The following KIFC3 variants were observed in gnomAD, a reference collection of about 807,000 sequenced individuals.
KIFC3 encodes the protein kinesin family member C3.
Under a neutral mutation model 101.8 loss-of-function variants are expected in KIFC3, and 60 were observed. That is an observed-to-expected ratio of 0.59 (90% CI 0.48 to 0.73). The LOEUF (loss-of-function observed/expected upper bound fraction) is 0.73. Ranked by LOEUF, KIFC3 falls within the 30% of genes least tolerant of loss-of-function variation. KIFC3 has a pLI of 0.00. For synonymous variants in KIFC3, 476 were observed against 482.7 expected, an observed-to-expected ratio of 0.99 and a Z score of 0.18; for missense variants, 966 against 1,137.1, an observed-to-expected ratio of 0.85 and a Z score of 2.16.
At chr16:57,798,342 G>C (rs1000599581) in intron 1 of KIFC3, 60 bp from the exon 2 acceptor site, 4 of 1,453,178 alleles carry the variant, frequency 2.8e-6, no homozygotes, top group Admixed American at 2.0e-5. Context: ...ACTGCACCTC[G>C]GGCAGAGCCA....
At chr16:57,822,507 C>A (rs782061263) in intron 1 of KIFC3, among the ~76,000 whole-genome samples, 4 of 152,000 alleles carry the variant, frequency 2.6e-5, no homozygotes, top group Non-Finnish European at 4.4e-5. Flanking sequence ...GACCAGCCTG[C>A]CCAACATGGT....
In KIFC3 at chr16:57,769,529, TG is replaced by T; in HGVS notation, c.1218+65del. ...CTGAGCTTTGGAGGGACGCCCTGAG[TG>T]GATGTCGTGCCTCTCCCAGTGCACC... On this transcript the variant is annotated intron_variant, in intron 9 of 19. Coordinates refer to ENST00000445690, the MANE Select transcript of KIFC3 (RefSeq NM_001130100.2). This position sits in a 1 kb window ranked among gnomAD's most constrained non-coding sequence, Gnocchi z 4.3. 1 of 1,543,532 alleles carries T rather than the reference TG, an allele frequency of 6.5e-7. No homozygotes were observed.
chr16:57,802,673 T>C, upstream of KIFC3: 4 of 930,128 alleles, frequency 4.3e-6, no homozygotes, highest in Non-Finnish European at 5.8e-6. The surrounding 1 kb of genome is among the most constrained non-coding windows in gnomAD (Gnocchi z 5.0). Context: ...CTCCCACTCC[T>C]TCGCGGGGCC....
At chr16:57,850,472 T>TG (rs1345682905) in intron 1 of KIFC3, among the ~76,000 whole-genome samples, 1 of 112,262 alleles carries the variant, frequency 8.9e-6, no homozygotes, top group Non-Finnish European at 2.0e-5. Context: ...AGGGTTTTTT[T>TG]TTTTTTTTTT....
chr16:57,821,374 G>A (rs782259689), intron 1 of KIFC3, among the ~76,000 whole-genome samples: 1 of 152,166 alleles, frequency 6.6e-6, no homozygotes, highest in Admixed American at 6.5e-5. Context: ...TTTGCGCAGG[G>A]ACAGGAAGCA....
chr16:57,790,876 C>T (rs1220526824), intron 3 of KIFC3: 1 of 984,000 alleles, frequency 1.0e-6, no homozygotes, highest in African/African-American at 1.7e-5. Flanking sequence ...AAAATTCACC[C>T]CCTCCCTCTC....
At position 57,759,822 on chromosome 16, in the gene KIFC3, A is replaced by T; in HGVS notation, c.2382T>A (p.Cys794Ter). The T allele has an allele frequency of 6.2e-7, 1 of 1,608,634 alleles. No homozygotes were observed. The highest frequency in any genetic ancestry group is 8.5e-7 in the Non-Finnish European group (1 of 1,178,102). The stretch of plus-strand genomic sequence containing the variant: ...CCCGTGCCGAGGGCTGTGGCGTCTG[A>T]CAAGCCGGCTCCCACTGTGAGCAGG... ...SQEHLEWEPA[C>*]QTPQPSARAH... Residue 794 changes from cysteine (C) to a stop codon, truncating the protein, a stop_gained, in exon 18 of 20, where the codon TGT becomes TGA. Transcript: ENST00000445690. LOFTEE classifies it high-confidence loss of function.
chr16:57,834,768 C>T (rs966160481), intron 1 of KIFC3, among the ~76,000 whole-genome samples: 32 of 152,242 alleles, frequency 2.1e-4, no homozygotes, highest in African/African-American at 7.7e-4. Flanking sequence ...CCCCTTGCCT[C>T]AGCCTCCCAA....
intron 1 of KIFC3, among the ~76,000 whole-genome samples, chr16:57,849,569 A>G (rs767234546): frequency 1.3e-4 from 20 of 152,046 alleles, no homozygotes; most frequent in Non-Finnish European, 2.1e-4. Flanking sequence ...GAGAACGTAA[A>G]CTCACTGCCT....
intron 1 of KIFC3, among the ~76,000 whole-genome samples, chr16:57,854,697 T>C (rs1260387824): frequency 6.6e-6 from 1 of 151,634 alleles, no homozygotes; most frequent in Non-Finnish European, 1.5e-5. Context: ...ATCAACCAAC[T>C]GGATCTAACT....
At chr16:57,786,129 C>T (rs1481850409) in intron 3 of KIFC3, among the ~76,000 whole-genome samples, 3 of 152,174 alleles carry the variant, frequency 2.0e-5, no homozygotes, top group African/African-American at 7.2e-5. Flanking sequence ...GGCAAGTGGT[C>T]AACTGTGCAG....
chr16:57,791,400 C>T (rs1441087072), intron 3 of KIFC3, among the ~76,000 whole-genome samples: 1 of 152,214 alleles, frequency 6.6e-6, no homozygotes, highest in Non-Finnish European at 1.5e-5. Flanking sequence ...GGCCAAGCCA[C>T]AGGAAGGACA....
Position 57,761,542 on chromosome 16 carries a change from G to T in KIFC3, c.1749-6C>A. ...GCTCTTTCCCTAGCAGGTCCCTGGA[G>T]GGGCAGGTGAGACAGTCACCCCCTC... is the stretch of plus-strand genomic sequence containing the variant. On this transcript the variant is annotated splice_region_variant and splice_polypyrimidine_tract_variant and intron_variant, in intron 13 of 19. Coordinates refer to ENST00000445690, the MANE Select transcript of KIFC3 (RefSeq NM_001130100.2). The T allele has an allele frequency of 6.2e-7, 1 of 1,612,040 alleles. No individual in the cohort carries two copies. The highest frequency in any genetic ancestry group is 1.1e-5 in the South Asian group (1 of 91,054).
intron 1 of KIFC3, among the ~76,000 whole-genome samples, chr16:57,822,369 GC>G (rs1555630032): frequency 6.6e-6 from 1 of 152,172 alleles, no homozygotes; most frequent in Non-Finnish European, 1.5e-5. Context: ...CTGCTGGAGG[GC>G]CTTTCATTCT....
intron 1 of KIFC3, among the ~76,000 whole-genome samples, chr16:57,862,057 T>C (rs1959313272): frequency 6.6e-6 from 1 of 152,126 alleles, no homozygotes; most frequent in Admixed American, 6.6e-5. Flanking sequence ...AGAACAAGGA[T>C]GAGCTTCTGG....
At chr16:57,761,198 C>A in intron 14 of KIFC3, 27 bp from the exon 15 acceptor site, 2 of 1,611,742 alleles carry the variant, frequency 1.2e-6, no homozygotes, top group Non-Finnish European at 1.7e-6. Flanking sequence ...AGGGCAGAGG[C>A]ACAGCGTTGA....
chr16:57,825,409 T>C (rs1264812836), intron 1 of KIFC3, among the ~76,000 whole-genome samples: 1 of 152,210 alleles, frequency 6.6e-6, no homozygotes, highest in Non-Finnish European at 1.5e-5. Context: ...TACGTGTGAT[T>C]ATAACAAGGA....
chr16:57,769,871 C>T lies in KIFC3; in HGVS notation c.1024G>A (p.Ala342Thr). Residue 342 changes from alanine to threonine, a missense_variant, in exon 8 of 20, where the codon GCC becomes ACC. Physicochemically the swap from Ala to Thr is moderately conservative, Grantham distance 58. Coordinates refer to ENST00000445690, the MANE Select transcript of KIFC3 (RefSeq NM_001130100.2). The surrounding 1 kb of genome is among the most constrained non-coding windows in gnomAD (Gnocchi z 4.3). ...MQSLEEDKNRAIEEAFARAQV... is the reference protein window; with the variant it reads ...MQSLEEDKNRTIEEAFARAQV... ...GCTCTGGCAAAGGCCTCCTCAATGG[C>T]CCGGTTCTTGTCCTCTTCCAGGGAC... The T allele has an allele frequency of 1.2e-6, 2 of 1,613,946 alleles. No homozygotes were observed. The highest frequency in any genetic ancestry group is 2.2e-5 in the East Asian group (1 of 44,882).
At position 57,848,193 on chromosome 16, in the gene KIFC3, G is replaced by A. The variant is rs1484571626; in HGVS notation, c.108+14536C>T. Among the ~76,000 whole-genome samples the A allele has an allele frequency of 2.0e-5, 3 of 152,206 alleles. No individual in the cohort carries two copies. The South Asian group carries it at 6.2e-4, about 32-fold the overall frequency. On this transcript the variant is annotated intron_variant, in intron 1 of 2. Transcript: ENST00000563028. ...ATTTTCTGTCTAATGCCTTGAAGTT[G>A]CCATACATTTTGGAGATTCTATTAA... is the stretch of plus-strand genomic sequence containing the variant.
Sources: gnomAD v4.1 joint callset for allele counts (sites outside exome capture counted in the v4.1 genomes callset) on GRCh38, gnomAD v4.1.1 for gene constraint, Gnocchi (gnomAD v3.1) non-coding constraint, MANE v1.5 for transcripts, NCBI Gene and HGNC (gene_info 2026-07-23, HGNC 2026-07-21) for gene names.